Variants in PLXDC2 observed in about 807,000 individuals in gnomAD.
PLXDC2 encodes plexin domain-containing protein 2.
PLXDC2 carries 40 observed loss-of-function variants against 68.9 expected under a neutral mutation model. That is an observed-to-expected ratio of 0.58 (90% CI 0.45 to 0.76). The LOEUF is 0.76. PLXDC2 is among the 30% of genes least tolerant of loss of function. The pLI is 0.00. For missense variants in PLXDC2, 644 were observed against 661.9 expected, an observed-to-expected ratio of 0.97 and a Z score of 0.30; for synonymous variants, 243 against 234.2, an observed-to-expected ratio of 1.04 and a Z score of -0.34.
intron 7 of PLXDC2, among the ~76,000 whole-genome samples, chr10:20,173,664 T>C (rs1017995774): frequency 6.6e-6 from 1 of 152,208 alleles, no homozygotes; most frequent in Non-Finnish European, 1.5e-5. Flanking sequence ...TGGGTGAGTA[T>C]TGATCTATTG....
chr10:19,856,862 G>A (rs1014878946), intron 1 of PLXDC2, among the ~76,000 whole-genome samples: 10 of 152,020 alleles, frequency 6.6e-5, no homozygotes, highest in Non-Finnish European at 8.8e-5. Context: ...ACATCATACC[G>A]TGGTTACAGG....
At chr10:20,224,090 C>G (rs188414547) in intron 12 of PLXDC2, among the ~76,000 whole-genome samples, 6 of 151,820 alleles carry the variant, frequency 4.0e-5, no homozygotes, top group Non-Finnish European at 8.8e-5. Context: ...TCACCTGTCT[C>G]AGCCTCCCAA....
At position 20,077,756 on chromosome 10, in the gene PLXDC2, A is replaced by G. The variant is rs535052098; in HGVS notation, c.541+9517A>G. ...ATATAAAATTAAGATAATTTAGAGC[A>G]ATTAGATTTTGTAAACAAAAGTGTA... On this transcript the variant is annotated intron_variant, in intron 4 of 13. Transcript: ENST00000377252. Among the ~76,000 whole-genome samples, 51 of 152,356 alleles carry G rather than the reference A, an allele frequency of 3.3e-4. 1 individual carries two copies. In the South Asian group the frequency reaches 9.5e-3, roughly 28 times the overall value.
intron 13 of PLXDC2, among the ~76,000 whole-genome samples, chr10:20,254,836 A>G (rs138358399): frequency 2.0e-5 from 3 of 152,326 alleles, no homozygotes; most frequent in African/African-American, 7.2e-5. Context: ...CTAAGATGCT[A>G]GAATTTTTAT....
intron 1 of PLXDC2, among the ~76,000 whole-genome samples, chr10:19,931,786 C>A (rs1239592658): frequency 6.6e-6 from 1 of 152,166 alleles, no homozygotes; most frequent in African/African-American, 2.4e-5. Flanking sequence ...CTCACCCTCC[C>A]TGCCATACAG....
chr10:20,001,866 C>T lies in PLXDC2; in HGVS notation c.204C>T (p.Asn68=), dbSNP rs1834946359. The T allele has an allele frequency of 6.2e-7, 1 of 1,613,892 alleles. No individual in the cohort carries two copies. Among genetic ancestry groups the T allele is most frequent in the South Asian group, 1.1e-5 (1 of 91,086 alleles). The change falls in exon 2 of 14, where the codon AAC becomes AAT. Residue 68 remains asparagine (N), a synonymous_variant. Transcript: ENST00000377252. ...CGTACAGCCACAGGTGGAAAAGAAA[C>T]TTGGACTTTCTCAAGGCGGTAGACA... ...SHAYSHRWKR[N]LDFLKAVDTN...
chr10:20,122,575 G>T (rs1833714184), intron 4 of PLXDC2, among the ~76,000 whole-genome samples: 1 of 152,208 alleles, frequency 6.6e-6, no homozygotes, highest in Admixed American at 6.5e-5. Context: ...AGGAATCCTG[G>T]GCTGCAGGCA....
At chr10:19,913,605 G>T (rs540728167) in intron 1 of PLXDC2, among the ~76,000 whole-genome samples, 3 of 152,128 alleles carry the variant, frequency 2.0e-5, no homozygotes, top group African/African-American at 7.2e-5. Context: ...AAATTAAGTC[G>T]AAATGTAGGG....
chr10:20,143,143 T>C (rs1383922061), intron 4 of PLXDC2, 152 bp from the exon 5 acceptor site: 4 of 791,454 alleles, frequency 5.1e-6, no homozygotes, highest in Non-Finnish European at 7.4e-6. Context: ...GTATTGTTAA[T>C]TAGATACTAA....
At chr10:20,079,784 G>T (rs769334343) in intron 4 of PLXDC2, among the ~76,000 whole-genome samples, 28 of 152,074 alleles carry the variant, frequency 1.8e-4, no homozygotes, top group Non-Finnish European at 3.2e-4. Flanking sequence ...GGCCCGTCAG[G>T]GGGTAGGGGA....
chr10:19,900,409 A>G (rs1838137889), intron 1 of PLXDC2, among the ~76,000 whole-genome samples: 1 of 152,150 alleles, frequency 6.6e-6, no homozygotes, highest in African/African-American at 2.4e-5. Flanking sequence ...AGGATTCTCA[A>G]TGTCCATTAT....
At chr10:20,204,200 A>G (rs2131850550) in intron 9 of PLXDC2, among the ~76,000 whole-genome samples, 1 of 152,192 alleles carries the variant, frequency 6.6e-6, no homozygotes, top group South Asian at 2.1e-4. Flanking sequence ...ATGAGATAGG[A>G]TTTTTTACTA....
intron 1 of PLXDC2, among the ~76,000 whole-genome samples, chr10:19,903,193 A>C (rs1473773722): frequency 1.3e-5 from 2 of 152,074 alleles, no homozygotes; most frequent in Non-Finnish European, 2.9e-5. Context: ...GCTTCATCGA[A>C]TGATTTAGGG....
chr10:20,105,995 A>G (rs1833486538), intron 4 of PLXDC2, among the ~76,000 whole-genome samples: 1 of 152,238 alleles, frequency 6.6e-6, no homozygotes, highest in East Asian at 1.9e-4. Flanking sequence ...TTCCACATGT[A>G]TAATTCCAGT....
chr10:19,889,080 A>G (rs1356788746), intron 1 of PLXDC2, among the ~76,000 whole-genome samples: 4 of 152,120 alleles, frequency 2.6e-5, no homozygotes, highest in African/African-American at 9.7e-5. Context: ...TGATAATATA[A>G]TAGAGCCCAA....
intron 1 of PLXDC2, among the ~76,000 whole-genome samples, chr10:19,869,674 T>C (rs1837496888): frequency 6.6e-6 from 1 of 152,084 alleles, no homozygotes; most frequent in African/African-American, 2.4e-5. Flanking sequence ...ATTTAATATA[T>C]TGAATAGTAT....
chr10:20,164,686 A>T, intron 7 of PLXDC2, 119 bp downstream of exon 7: 2 of 746,606 alleles, frequency 2.7e-6, no homozygotes, highest in Non-Finnish European at 4.7e-6. Context: ...TTAGCTGATT[A>T]ATGCTTGTTA....
intron 2 of PLXDC2, among the ~76,000 whole-genome samples, chr10:20,025,967 C>T (rs1017854628): frequency 7.2e-5 from 11 of 151,978 alleles, no homozygotes; most frequent in South Asian, 2.1e-4. Context: ...AAAAGAACTA[C>T]GTAGATAAAC....
intron 1 of PLXDC2, among the ~76,000 whole-genome samples, chr10:19,967,213 A>G (rs901079819): frequency 6.6e-5 from 10 of 152,352 alleles, no homozygotes; most frequent in African/African-American, 2.4e-4. Context: ...AAAATCACCA[A>G]TGGACTTGTT....
Sources: gnomAD v4.1 joint callset for allele counts (sites outside exome capture counted in the v4.1 genomes callset) on GRCh38, gnomAD v4.1.1 for gene constraint, MANE v1.5 for transcripts, NCBI Gene and HGNC (gene_info 2026-07-23, HGNC 2026-07-21) for gene names.